Variants in SUMF1 observed in about 807,000 individuals in gnomAD.
SUMF1 encodes the protein formylglycine-generating enzyme.
In SUMF1, 48 loss-of-function variants were observed where a neutral mutation model predicts 47.6. The observed-to-expected ratio is 1.01, with a 90% CI of 0.80 to 1.28. SUMF1 has a LOEUF of 1.28. SUMF1 is among the 50% of genes most tolerant of loss of function. The pLI is 0.00. For missense variants in SUMF1, 571 were observed against 485.4 expected (o/e 1.18, Z -1.66); for synonymous variants, 230 against 192.1 (o/e 1.20, Z -1.63).
At chr3:4,342,669 T>C (rs1699295558) in intron 8 of SUMF1, among the ~76,000 whole-genome samples, 1 of 152,218 alleles carries the variant, frequency 6.6e-6, no homozygotes, top group South Asian at 2.1e-4. Flanking sequence ...TCAAAGAATG[T>C]GCAGTGAGAG....
intron 9 of SUMF1, chr3:4,068,444 T>C (rs1695430457): frequency 6.2e-6 from 1 of 160,584 alleles, no homozygotes; most frequent in East Asian, 1.8e-4. Flanking sequence ...TTTAATAATA[T>C]ACTTTAACAC....
At chr3:4,257,714 C>A (rs1211139076) in intron 8 of SUMF1, among the ~76,000 whole-genome samples, 1 of 151,448 alleles carries the variant, frequency 6.6e-6, no homozygotes, top group Admixed American at 6.6e-5. Flanking sequence ...TCAATGCCAT[C>A]CCCATCAAGC....
intron 9 of SUMF1, among the ~76,000 whole-genome samples, chr3:4,056,743 TTTTA>T (rs1442585195): frequency 3.3e-5 from 5 of 152,078 alleles, no homozygotes; most frequent in African/African-American, 1.2e-4. Context: ...CCATAATTTT[TTTTA>T]TTTATTTTTT....
intron 8 of SUMF1, among the ~76,000 whole-genome samples, chr3:4,169,242 G>A (rs552932523): frequency 6.6e-6 from 1 of 152,140 alleles, no homozygotes; most frequent in East Asian, 1.9e-4. Context: ...GTTGAATTGT[G>A]TTCCTCAATA....
intron 8 of SUMF1, among the ~76,000 whole-genome samples, chr3:4,318,085 A>T (rs1010447590): frequency 7.9e-5 from 12 of 151,136 alleles, no homozygotes; most frequent in African/African-American, 2.9e-4. Context: ...GTTAAAGAAG[A>T]CATGGATACC....
rs142990931 is a variant in SUMF1 at position 4,454,001 on chromosome 3, T to C, written c.271-952A>G. On this transcript the variant is annotated intron_variant, in intron 1 of 8. Transcript: ENST00000272902. ...TATACATTTTTTATTCGCATATGCT[T>C]TTGTTTCTTTTGAATTATTTTTAAA... Among the ~76,000 whole-genome samples the C allele has an allele frequency of 4.8e-3, 725 of 152,272 alleles. 2 individuals carry two copies. Among genetic ancestry groups the C allele is most frequent in the African/African-American group, 0.017 (700 of 41,552 alleles).
intron 8 of SUMF1, among the ~76,000 whole-genome samples, chr3:4,227,707 G>A (rs375174879): frequency 6.6e-6 from 1 of 152,094 alleles, no homozygotes; most frequent in African/African-American, 2.4e-5. Flanking sequence ...TGGGAAGAAT[G>A]AGAACAACAG....
At chr3:4,232,378 G>T (rs1575001967) in intron 8 of SUMF1, among the ~76,000 whole-genome samples, 1 of 152,066 alleles carries the variant, frequency 6.6e-6, no homozygotes, top group Non-Finnish European at 1.5e-5. Flanking sequence ...AAATCACTCA[G>T]TCAAGATTCA....
intron 5 of SUMF1, 32 bp downstream of exon 5, chr3:4,417,978 T>C (rs2125034854): frequency 1.9e-6 from 3 of 1,613,556 alleles, no homozygotes; most frequent in Non-Finnish European, 2.5e-6. Context: ...ATGACCAACA[T>C]ATTGTCAGGC....
chr3:4,241,750 G>A (rs146507208), intron 8 of SUMF1, among the ~76,000 whole-genome samples: 29 of 152,278 alleles, frequency 1.9e-4, no homozygotes, highest in Admixed American at 5.9e-4. Context: ...GGGTTTAGGA[G>A]CAGCAGTTTA....
intron 8 of SUMF1, among the ~76,000 whole-genome samples, chr3:4,160,627 T>G (rs551594554): frequency 7.2e-5 from 11 of 152,110 alleles, no homozygotes; most frequent in African/African-American, 2.7e-4. Flanking sequence ...TTCTTCAGTA[T>G]GTCAATTGCA....
chr3:4,457,097 T>TACG, intron 1 of SUMF1, among the ~76,000 whole-genome samples: 1 of 149,058 alleles, frequency 6.7e-6, no homozygotes, highest in African/African-American at 2.5e-5. Context: ...TATATATATT[T>TACG]TTTTTGTTTT....
In SUMF1 at chr3:4,115,558, C is replaced by T. The variant is rs1032695443; in HGVS notation, c.1015-46813G>A. Among the ~76,000 whole-genome samples, 48 of 128,454 alleles carry T rather than the reference C, an allele frequency of 3.7e-4. 1 individual carries two copies. The highest frequency in any genetic ancestry group is 1.5e-3 in the African/African-American group (48 of 31,542). 84.3% of individuals were successfully genotyped at this position (128,454 alleles called of 152,430 possible). A position where few individuals can be genotyped will look rare whatever the true frequency, so the allele number is the denominator to read the frequency against. The stretch of plus-strand genomic sequence containing the variant: ...TTGGGGTCAGAGCCCAAAAACGCTC[C>T]TCACGACCTGCCAGTATGATGCATG... On this transcript the variant is annotated intron_variant and NMD_transcript_variant, in intron 8 of 12. Coordinates refer to the SUMF1 transcript ENST00000448413.
At chr3:4,126,678 G>A (rs995737042) in intron 8 of SUMF1, among the ~76,000 whole-genome samples, 6 of 152,130 alleles carry the variant, frequency 3.9e-5, no homozygotes, top group African/African-American at 9.7e-5. Context: ...ACTGGCAGTG[G>A]AAGGGGTGTC....
At chr3:4,244,428 C>T (rs1405755118) in intron 8 of SUMF1, among the ~76,000 whole-genome samples, 3 of 152,198 alleles carry the variant, frequency 2.0e-5, no homozygotes, top group African/African-American at 7.2e-5. Context: ...CTGCATCCTT[C>T]AGGAGCACTT....
At chr3:4,433,867 C>A (rs969488110) in intron 3 of SUMF1, among the ~76,000 whole-genome samples, 11 of 152,314 alleles carry the variant, frequency 7.2e-5, no homozygotes, top group Admixed American at 7.2e-4. Context: ...ACACACCCCA[C>A]TGATGGATAA....
At chr3:4,410,788 C>G (rs1701514046) in intron 7 of SUMF1, 77 bp downstream of exon 7, 2 of 1,300,254 alleles carry the variant, frequency 1.5e-6, no homozygotes. Context: ...CTCGGAAACA[C>G]ATGACAGCCT....
At chr3:4,427,915 ATAAT>A (rs560871251) in intron 3 of SUMF1, among the ~76,000 whole-genome samples, 173 of 152,370 alleles carry the variant, frequency 1.1e-3, no homozygotes, top group African/African-American at 3.8e-3. Context: ...TAAGATCTGC[ATAAT>A]TATCAGGGCA....
chr3:4,353,322 C>G (rs759510308), intron 8 of SUMF1, among the ~76,000 whole-genome samples: 3 of 152,004 alleles, frequency 2.0e-5, no homozygotes, highest in African/African-American at 2.4e-5. Flanking sequence ...GCGTGATCTC[C>G]GCTCACTGCA....
Sources: allele counts gnomAD v4.1 joint callset (sites outside exome capture counted in the v4.1 genomes callset), GRCh38; gene constraint gnomAD v4.1.1; transcripts MANE v1.5; gene names NCBI Gene and HGNC (gene_info 2026-07-23, HGNC 2026-07-21).